The following PIGS variants were observed in gnomAD, a reference collection of about 807,000 sequenced individuals.
PIGS encodes the protein GPI-anchor transamidase component PIGS.
Under a neutral mutation model 58.2 loss-of-function variants are expected in PIGS, and 37 were observed. The ratio of observed to expected loss-of-function variants is 0.64; its 90% confidence interval spans 0.49 to 0.84. PIGS has a LOEUF of 0.84. PIGS is among the 40% of genes least tolerant of loss of function. The pLI is 0.00. For missense variants in PIGS, 629 were observed against 710.8 expected (o/e 0.88, Z 1.31); for synonymous variants, 269 against 289.2 (o/e 0.93, Z 0.71).
intron 8 of PIGS, 79 bp from the exon 9 acceptor site, chr17:28,557,051 G>C: frequency 1.3e-6 from 2 of 1,513,116 alleles, no homozygotes; most frequent in Non-Finnish European, 1.8e-6. Flanking sequence ...TAACTTGCTG[G>C]TCACTCACTC....
At position 28,554,006 on chromosome 17, in the gene PIGS, C is replaced by T. The variant is rs1597581849; in HGVS notation, c.*214G>A. On this transcript the variant is annotated 3_prime_UTR_variant, in exon 12 of 12. Coordinates refer to ENST00000308360, the MANE Select transcript of PIGS (RefSeq NM_033198.4). ...ACCCGGATGATGTGCCTTTTGAGGCCCCTGGTGGTGGAGGAGGATTGAGCC... is the reference window on the plus strand; with the variant it reads ...ACCCGGATGATGTGCCTTTTGAGGCTCCTGGTGGTGGAGGAGGATTGAGCC... 2 of 608,574 alleles carry T rather than the reference C, an allele frequency of 3.3e-6. No homozygotes were observed. The highest frequency in any genetic ancestry group is 3.7e-5 in the African/African-American group (2 of 54,058). The allele number at this position is 608,574 out of a possible 1,614,324, so 37.7% of individuals were successfully genotyped here. A position where few individuals can be genotyped will look rare whatever the true frequency, so the allele number is the denominator to read the frequency against.
In PIGS at chr17:28,563,492, T is replaced by TCCTGAG. The variant is rs752586886; in HGVS notation, c.401_406dup (p.Gln135_Glu136insAlaGln). The TCCTGAG allele has an allele frequency of 1.9e-6, 3 of 1,613,932 alleles. No individual in the cohort carries two copies. In the African/African-American group the frequency reaches 4.0e-5, roughly 22 times the overall value. Reference sequence around the variant, plus strand: ...CACAGTCAGGGAGCCCTCCGCTTGTTCCTGAGGCTCATCTAACATGGCTTC... The same window carrying TCCTGAG: ...CACAGTCAGGGAGCCCTCCGCTTGTTCCTGAGCCTGAGGCTCATCTAACATGGCTTC... On this transcript the variant is annotated inframe_insertion, in exon 5 of 12. Transcript: ENST00000308360.
chr17:28,564,287 G>A (rs946321005), intron 3 of PIGS, among the ~76,000 whole-genome samples: 4 of 152,148 alleles, frequency 2.6e-5, no homozygotes, highest in African/African-American at 9.7e-5. Flanking sequence ...AAATACACAG[G>A]CTGGGCACGG....
Position 28,561,552 on chromosome 17 carries a change from A to T in PIGS, c.546T>A (p.Ile182=). 1 of 1,613,836 alleles carries T rather than the reference A, an allele frequency of 6.2e-7. No homozygotes were observed. Among genetic ancestry groups the T allele is most frequent in the East Asian group, 2.2e-5 (1 of 44,892 alleles). Residue 182 remains isoleucine, a synonymous_variant, in exon 6 of 12, where the codon ATT becomes ATA. Coordinates refer to ENST00000308360, the MANE Select transcript of PIGS (RefSeq NM_033198.4). ...GIMHREAFNI[I]GRRIVQVAQA... is the part of the protein sequence containing the mutation. ...GGGCCACCTGGACTATGCGGCGGCC[A>T]ATGATGTTAAAGGCCTCCCGGTGCA...
At chr17:28,563,350 G>C in intron 5 of PIGS, 81 bp downstream of exon 5, 2 of 1,187,278 alleles carry the variant, frequency 1.7e-6, no homozygotes, top group Middle Eastern at 1.9e-4. Flanking sequence ...GAAATGGGTA[G>C]CAATGATGCA....
intron 10 of PIGS, 142 bp downstream of exon 10, chr17:28,556,024 G>T (rs2070325065): frequency 8.7e-6 from 6 of 686,216 alleles, no homozygotes; most frequent in Non-Finnish European, 1.5e-5. Context: ...AGGATGATGG[G>T]ATCCTTAGAA....
rs578223276 is a variant in PIGS at position 28,570,464 on chromosome 17, T to C, written c.286+388A>G. Among the ~76,000 whole-genome samples, 17 of 152,334 alleles carry C rather than the reference T, an allele frequency of 1.1e-4. No individual in the cohort carries two copies. In the South Asian group the frequency reaches 3.5e-3, roughly 32 times the overall value. On this transcript the variant is annotated intron_variant, in intron 3 of 11. Coordinates refer to ENST00000308360, the MANE Select transcript of PIGS (RefSeq NM_033198.4). Reference sequence around the variant, plus strand: ...AGGCAGAGGTTGCAGTGAGCCAAGATGGCGCCACTGCACTCCAGCCTGGGC... The same window carrying C: ...AGGCAGAGGTTGCAGTGAGCCAAGACGGCGCCACTGCACTCCAGCCTGGGC...
intron 3 of PIGS, among the ~76,000 whole-genome samples, chr17:28,570,156 C>G (rs1197709362): frequency 3.9e-5 from 6 of 152,180 alleles, no homozygotes; most frequent in Admixed American, 3.9e-4. Context: ...TTATCAATTT[C>G]TTATTCATTC....
chr17:28,554,304 A>G lies in PIGS; in HGVS notation c.1584T>C (p.Pro528=). Residue 528 remains proline, a synonymous_variant, in exon 12 of 12, where the codon CCT becomes CCC. Transcript: ENST00000308360. The stretch of plus-strand genomic sequence containing the variant: ...GGGACAGGAGGATGGGCACAGCCAT[A>G]GGCAGGAAGAGTGGGATGTAGATGG... ...KFAIYIPLFL[P]MAVPILLSLV... 6.2e-7 allele frequency: 1 copy of G among 1,614,180 alleles called. No individual in the cohort carries two copies. The highest frequency in any genetic ancestry group is 1.1e-5 in the South Asian group (1 of 91,088).
At chr17:28,554,658 C>T (rs1234878247) in intron 11 of PIGS, among the ~76,000 whole-genome samples, 163 bp from the exon 12 acceptor site, 1 of 152,178 alleles carries the variant, frequency 6.6e-6, no homozygotes, top group East Asian at 1.9e-4. Context: ...TTCCTAGGGT[C>T]AGCTTGAAAC....
intron 7 of PIGS, among the ~76,000 whole-genome samples, chr17:28,558,997 T>C (rs903133127): frequency 1.3e-5 from 2 of 152,192 alleles, no homozygotes; most frequent in Non-Finnish European, 2.9e-5. Flanking sequence ...TCTTTTTTTT[T>C]TGAGATGGAG....
chr17:28,558,445 AAAAG>A, intron 8 of PIGS, 27 bp downstream of exon 8: 1 of 1,554,142 alleles, frequency 6.4e-7, no homozygotes, highest in Non-Finnish European at 8.8e-7. Flanking sequence ...AGCCTGGCAG[AAAAG>A]AAAGACCCTC....
intron 3 of PIGS, 104 bp downstream of exon 3, chr17:28,570,748 G>GTA: frequency 9.1e-7 from 1 of 1,096,708 alleles, no homozygotes; most frequent in Non-Finnish European, 1.4e-6. Flanking sequence ...TCTTTCAACA[G>GTA]TAAGTTTTTA....
chr17:28,554,957 G>A lies in PIGS; in HGVS notation c.1286C>T (p.Ala429Val), dbSNP rs781213695. 9.0e-5 allele frequency: 145 copies of A among 1,612,370 alleles called. No individual in the cohort carries two copies. The highest frequency in any genetic ancestry group is 1.2e-4 in the Non-Finnish European group (141 of 1,179,134). Residue 429 changes from alanine to valine, a missense_variant, in exon 11 of 12, where the codon GCT becomes GTT. Transcript: ENST00000308360. ...MTWELDRLLW[A>V]RSVENLATAT... ...TGTGGCCAGGTTCTCCACTGACCGAGCCCAGAGCAGCCGGTCTAGCTCCCA... is the reference window on the plus strand; with the variant it reads ...TGTGGCCAGGTTCTCCACTGACCGAACCCAGAGCAGCCGGTCTAGCTCCCA...
At chr17:28,567,456 T>G (rs577830776) in intron 3 of PIGS, among the ~76,000 whole-genome samples, 25 of 151,388 alleles carry the variant, frequency 1.7e-4, no homozygotes, top group South Asian at 4.2e-4. Context: ...AAGAAATGTA[T>G]GGGGGTAGGG....
chr17:28,559,264 C>T (rs575469493), intron 7 of PIGS, among the ~76,000 whole-genome samples: 164 of 152,030 alleles, frequency 1.1e-3, no homozygotes, highest in African/African-American at 3.9e-3. Context: ...CGTGAGCCGC[C>T]GCACCTGGCC....
Position 28,554,270 on chromosome 17 carries a change from T to G in PIGS, c.1618A>C (p.Ile540Leu). Reference protein sequence around the residue: ...AVPILLSLVKIFLETRKSWRK... With the variant: ...AVPILLSLVKLFLETRKSWRK... ...CAGGACTTGCGGGTCTCCAGGAAGA[T>G]CTTGACCAGGGACAGGAGGATGGGC... The change falls in exon 12 of 12, where the codon ATC becomes CTC. Residue 540 changes from isoleucine to leucine, a missense_variant. Coordinates refer to ENST00000308360, the MANE Select transcript of PIGS (RefSeq NM_033198.4). 1 of 1,614,150 alleles carries G rather than the reference T, an allele frequency of 6.2e-7. No homozygotes were observed. The highest frequency in any genetic ancestry group is 1.7e-5 in the Admixed American group (1 of 60,028).
rs1224520221 is a variant in PIGS at position 28,562,490 on chromosome 17, G to C, written c.469-861C>G. Among the ~76,000 whole-genome samples the C allele has an allele frequency of 2.6e-5, 4 of 152,124 alleles. 1 individual carries two copies. The South Asian group carries it at 6.2e-4, about 24-fold the overall frequency. Reference sequence around the variant, plus strand: ...ACTCTGTCGCCCAGGCTGGAGTGCAGTGGCACTATCTTGGCTCATTGCAAC... The same window carrying C: ...ACTCTGTCGCCCAGGCTGGAGTGCACTGGCACTATCTTGGCTCATTGCAAC... On this transcript the variant is annotated intron_variant, in intron 5 of 11. Transcript: ENST00000308360.
intron 3 of PIGS, among the ~76,000 whole-genome samples, chr17:28,567,782 C>G (rs2070402281): frequency 6.6e-6 from 1 of 152,154 alleles, no homozygotes; most frequent in African/African-American, 2.4e-5. Flanking sequence ...GGTTTTATTT[C>G]ATTTCCTCTT....
Sources: allele counts gnomAD v4.1 joint callset (sites outside exome capture counted in the v4.1 genomes callset), GRCh38; gene constraint gnomAD v4.1.1; transcripts MANE v1.5; gene names NCBI Gene and HGNC (gene_info 2026-07-23, HGNC 2026-07-21).